Variants in CACNA2D3 observed in about 807,000 individuals in gnomAD.
The protein encoded by CACNA2D3 is calcium voltage-gated channel auxiliary subunit alpha2delta 3, also known as voltage-dependent calcium channel subunit alpha-2/delta-3.
CACNA2D3 carries 60 observed loss-of-function variants against 160.6 expected under a neutral mutation model. The ratio of observed to expected loss-of-function variants is 0.37; its 90% CI spans 0.30 to 0.46. CACNA2D3 has a LOEUF of 0.46. CACNA2D3 is among the 20% of genes least tolerant of loss of function. CACNA2D3 has a pLI of 1.00. For missense variants in CACNA2D3, 1,205 were observed against 1,365.0 expected, an observed-to-expected ratio of 0.88 and a Z score of 1.85; for synonymous variants, 558 against 492.9, an observed-to-expected ratio of 1.13 and a Z score of -1.75.
intron 11 of CACNA2D3, among the ~76,000 whole-genome samples, chr3:54,737,940 AC>A (rs1277718931): frequency 1.3e-5 from 2 of 152,130 alleles, no homozygotes; most frequent in Non-Finnish European, 2.9e-5. Flanking sequence ...TGCTGGAATT[AC>A]AGGTGTGAGC....
intron 14 of CACNA2D3, among the ~76,000 whole-genome samples, chr3:54,835,606 A>G (rs545642239): frequency 3.9e-5 from 6 of 152,330 alleles, no homozygotes; most frequent in Admixed American, 6.5e-5. Context: ...TTCCAAGTAG[A>G]TTGAGGGAGC....
intron 4 of CACNA2D3, among the ~76,000 whole-genome samples, chr3:54,426,625 C>T (rs982956778): frequency 7.2e-5 from 11 of 152,204 alleles, no homozygotes; most frequent in African/African-American, 2.7e-4. Flanking sequence ...TAAATACCAG[C>T]CCCAATTAGT....
At chr3:55,056,972 T>C (rs780137981) in intron 35 of CACNA2D3, among the ~76,000 whole-genome samples, 31 of 152,126 alleles carry the variant, frequency 2.0e-4, no homozygotes, top group Non-Finnish European at 3.8e-4. Context: ...CCATGAAACA[T>C]GGTATTTGAG....
At chr3:54,210,983 G>A (rs150725629) in intron 2 of CACNA2D3, among the ~76,000 whole-genome samples, 1 of 152,244 alleles carries the variant, frequency 6.6e-6, no homozygotes, top group East Asian at 1.9e-4. Flanking sequence ...ACTTTTAAAA[G>A]AGGTAGTATA....
At chr3:54,402,659 T>C (rs1289220815) in intron 4 of CACNA2D3, among the ~76,000 whole-genome samples, 1 of 151,990 alleles carries the variant, frequency 6.6e-6, no homozygotes, top group Non-Finnish European at 1.5e-5. Context: ...AAGGGAGAAA[T>C]AGACAGCAAT....
At chr3:54,152,137 C>G (rs1158697887) in intron 2 of CACNA2D3, among the ~76,000 whole-genome samples, 1 of 152,250 alleles carries the variant, frequency 6.6e-6, no homozygotes, top group Non-Finnish European at 1.5e-5. Context: ...TTGGGTCTCT[C>G]TTGGGACACT....
intron 27 of CACNA2D3, among the ~76,000 whole-genome samples, chr3:54,906,049 G>A (rs1013276038): frequency 1.3e-5 from 2 of 152,168 alleles, no homozygotes; most frequent in Non-Finnish European, 2.9e-5. Context: ...TGGCATCGAT[G>A]TCCAGAGACT....
At chr3:54,532,496 T>C (rs1701820997) in intron 5 of CACNA2D3, among the ~76,000 whole-genome samples, 1 of 152,228 alleles carries the variant, frequency 6.6e-6, no homozygotes. Flanking sequence ...TATTTCATTC[T>C]CTATGTCCAT....
At chr3:54,632,774 C>G (rs1445480019) in intron 10 of CACNA2D3, 1 of 152,160 alleles carries the variant, frequency 6.6e-6, no homozygotes, top group Non-Finnish European at 1.5e-5. Context: ...TTGATGCTTT[C>G]TATTGAAGAA....
At chr3:54,622,024 G>C (rs1409479960) in intron 9 of CACNA2D3, among the ~76,000 whole-genome samples, 1 of 152,168 alleles carries the variant, frequency 6.6e-6, no homozygotes, top group Non-Finnish European at 1.5e-5. Context: ...TGAAGGCACA[G>C]ATAAGGCAGT....
Position 54,867,528 on chromosome 3 carries a change from T to TTAA in CACNA2D3, c.1627-4011_1627-4010insTAA, listed in dbSNP as rs1553895809. Among the ~76,000 whole-genome samples, 87 of 137,926 alleles carry TTAA rather than the reference T, an allele frequency of 6.3e-4. No homozygotes were observed. In the South Asian group the frequency reaches 6.8e-3, roughly 11 times the overall value. The allele number at this position is 137,926 out of a possible 152,430, so 90.5% of individuals were successfully genotyped here. A position where few individuals can be genotyped will look rare whatever the true frequency, so the allele number is the denominator to read the frequency against. On this transcript the variant is annotated intron_variant, in intron 17 of 37. Transcript: ENST00000474759. ...CAATGCTTAAGATCTAAGCCAGCTT[T>TTAA]AAAAAAAAAAAAAAGGCCTTTAAAA...
Position 54,464,791 on chromosome 3 carries a change from C to T in CACNA2D3, c.382-38701C>T, listed in dbSNP as rs1380535393. ...GGTGCGCTGCACGCACTGTCCTGCG[C>T]CCACTGTCTGGCACTCCCTAGTGAG... On this transcript the variant is annotated intron_variant, in intron 4 of 37. Transcript: ENST00000474759. Among the ~76,000 whole-genome samples the T allele has an allele frequency of 4.6e-5, 7 of 152,308 alleles. No homozygotes were observed. The East Asian group carries it at 1.4e-3, about 29-fold the overall frequency.
chr3:54,591,700 G>T (rs560157301), intron 9 of CACNA2D3, among the ~76,000 whole-genome samples: 2 of 151,640 alleles, frequency 1.3e-5, no homozygotes, highest in African/African-American at 4.8e-5. Flanking sequence ...CTGAGTCCAG[G>T]GTTGGCAGTT....
In CACNA2D3 at chr3:54,464,012, C is replaced by G. The variant is rs531309525; in HGVS notation, c.382-39480C>G. Among the ~76,000 whole-genome samples, 46 of 152,330 alleles carry G rather than the reference C, an allele frequency of 3.0e-4. No individual in the cohort carries two copies. In the South Asian group the frequency reaches 9.1e-3, roughly 30 times the overall value. On this transcript the variant is annotated intron_variant, in intron 4 of 37. Transcript: ENST00000474759. ...CCATACAGGACCCTCAGCTGCAGGT[C>G]TGTTGGAGTTTGCTAGAGGTGCACT...
intron 2 of CACNA2D3, among the ~76,000 whole-genome samples, chr3:54,309,722 C>T (rs1366915278): frequency 6.6e-6 from 1 of 152,144 alleles, no homozygotes; most frequent in Admixed American, 6.5e-5. Flanking sequence ...TAGACCACAC[C>T]GTTCCTCCCG....
At chr3:54,554,774 C>T (rs1446444269) in intron 5 of CACNA2D3, among the ~76,000 whole-genome samples, 1 of 151,992 alleles carries the variant, frequency 6.6e-6, no homozygotes, top group Non-Finnish European at 1.5e-5. Flanking sequence ...TGCTGCTGTT[C>T]AGGTGCTACC....
intron 3 of CACNA2D3, among the ~76,000 whole-genome samples, chr3:54,350,756 C>T (rs1485137079): frequency 6.6e-6 from 1 of 152,110 alleles, no homozygotes; most frequent in Non-Finnish European, 1.5e-5. Context: ...TTGTAAAATA[C>T]TGTGAATTTT....
At chr3:54,400,194 C>G (rs959651661) in intron 4 of CACNA2D3, among the ~76,000 whole-genome samples, 5 of 148,022 alleles carry the variant, frequency 3.4e-5, no homozygotes, top group African/African-American at 5.0e-5. Context: ...CCTGCGCCCA[C>G]TGTCTGGCAC....
intron 14 of CACNA2D3, among the ~76,000 whole-genome samples, chr3:54,822,804 TTTCTTTCTTTC>T (rs1703659153): frequency 8.9e-6 from 1 of 112,784 alleles, no homozygotes; most frequent in African/African-American, 4.3e-5. Flanking sequence ...TCTTTCTTTC[TTTCTTTCTTTC>T]TTTCTTTCTT....
Sources: gnomAD v4.1 joint callset for allele counts (sites outside exome capture counted in the v4.1 genomes callset) on GRCh38, gnomAD v4.1.1 for gene constraint, MANE v1.5 for transcripts, NCBI Gene and HGNC (gene_info 2026-07-23, HGNC 2026-07-21) for gene names.